Variants in MDGA2 observed in about 807,000 individuals in gnomAD.
The protein encoded by MDGA2 is MAM domain-containing glycosylphosphatidylinositol anchor protein 2.
In MDGA2, 40 loss-of-function variants were observed where a neutral mutation model predicts 117.8. The ratio of observed to expected loss-of-function variants is 0.34; its 90% confidence interval spans 0.26 to 0.44. The LOEUF is 0.44. Ranked by LOEUF, MDGA2 falls within the 20% of genes least tolerant of loss-of-function variation. The pLI is 1.00. For synonymous variants in MDGA2, 452 were observed against 439.0 expected (o/e 1.03, Z -0.37); for missense variants, 1,123 against 1,250.6 (o/e 0.90, Z 1.54).
chr14:47,428,934 A>T lies in MDGA2; in HGVS notation c.281-127384T>A, dbSNP rs78931569. On this transcript the variant is annotated intron_variant, in intron 1 of 16. Transcript: ENST00000399232. ...AAGCTTTGTTGAACAGAATCAAATCACAAACTGATAATGGGATCATCCACA... is the reference window on the plus strand; with the variant it reads ...AAGCTTTGTTGAACAGAATCAAATCTCAAACTGATAATGGGATCATCCACA... 6.8e-3 allele frequency among the ~76,000 whole-genome samples: 1,032 copies of T among 152,224 alleles called. 7 individuals are homozygous for T. Among genetic ancestry groups the T allele is most frequent in the Non-Finnish European group, 8.7e-3 (595 of 68,016 alleles).
intron 1 of MDGA2, among the ~76,000 whole-genome samples, chr14:47,457,666 C>T (rs1429885072): frequency 6.6e-6 from 1 of 151,982 alleles, no homozygotes; most frequent in African/African-American, 2.4e-5. Flanking sequence ...ATGTCATTTT[C>T]GTTTTCCTTT....
At position 46,932,344 on chromosome 14, in the gene MDGA2, TATA is replaced by T. The variant is rs372630822; in HGVS notation, c.2090-12187_2090-12185del. Among the ~76,000 whole-genome samples the T allele has an allele frequency of 2.8e-3, 423 of 152,230 alleles. 1 individual carries two copies. The highest frequency in any genetic ancestry group is 4.6e-3 in the Admixed American group (71 of 15,274). ...CTTCAATAATGTAAGTTCACATGAA[TATA>T]ATATTACATTATATAAACTAATTTC... On this transcript the variant is annotated intron_variant, in intron 9 of 16. Transcript: ENST00000399232.
chr14:46,946,371 A>G (rs1276347260), intron 9 of MDGA2, among the ~76,000 whole-genome samples: 1 of 152,014 alleles, frequency 6.6e-6, no homozygotes, highest in Non-Finnish European at 1.5e-5. Flanking sequence ...TTTACTCACA[A>G]AACAATCTAT....
chr14:47,058,920 T>A (rs1261893751), intron 7 of MDGA2: 9 of 970,582 alleles, frequency 9.3e-6, no homozygotes, highest in Non-Finnish European at 1.1e-5. Flanking sequence ...GTTGCCATAG[T>A]GAGTTTATTA....
Position 47,247,632 on chromosome 14 carries a change from TTTATTATTA to T in MDGA2, c.421-29446_421-29438del, listed in dbSNP as rs71448183. On this transcript the variant is annotated intron_variant, in intron 2 of 16. Transcript: ENST00000399232. ...TTCAGATGTTTAACATCAGTACATA[TTTATTATTA>T]TTATTATTATTATTATTATACTTTA... is the stretch of plus-strand genomic sequence containing the variant. Among the ~76,000 whole-genome samples the T allele has an allele frequency of 2.9e-4, 42 of 146,138 alleles. No individual in the cohort carries two copies. The East Asian group carries it at 4.2e-3, about 15-fold the overall frequency.
chr14:47,046,842 C>T (rs1889283600), intron 7 of MDGA2, among the ~76,000 whole-genome samples: 1 of 152,026 alleles, frequency 6.6e-6, no homozygotes, highest in South Asian at 2.1e-4. Flanking sequence ...TCCTTGCCTA[C>T]TTGCTCTTAG....
intron 3 of MDGA2, among the ~76,000 whole-genome samples, chr14:47,208,211 AAAGTACTTG>A (rs1246829551): frequency 2.0e-5 from 3 of 152,046 alleles, no homozygotes; most frequent in Admixed American, 1.3e-4. Context: ...ATGGATATTT[AAAGTACTTG>A]ACCTTACTCA....
chr14:47,324,850 GAGAA>G (rs911203574), intron 1 of MDGA2, among the ~76,000 whole-genome samples: 8 of 151,996 alleles, frequency 5.3e-5, no homozygotes, highest in South Asian at 2.1e-4. Flanking sequence ...GAGAGAGAGA[GAGAA>G]AGAGAGAGAG....
intron 3 of MDGA2, among the ~76,000 whole-genome samples, chr14:47,207,006 A>G (rs1885708283): frequency 6.6e-6 from 1 of 152,086 alleles, no homozygotes; most frequent in Non-Finnish European, 1.5e-5. Context: ...GCACATTTTA[A>G]AAGAGATAAC....
At chr14:47,008,860 C>A (rs1887800266) in intron 8 of MDGA2, among the ~76,000 whole-genome samples, 1 of 151,842 alleles carries the variant, frequency 6.6e-6, no homozygotes. Context: ...TAGGTAAGGT[C>A]CTTATTTAAA....
At chr14:47,207,495 G>T (rs1566680884) in intron 3 of MDGA2, among the ~76,000 whole-genome samples, 1 of 151,924 alleles carries the variant, frequency 6.6e-6, no homozygotes, top group Non-Finnish European at 1.5e-5. Flanking sequence ...GGTGTGAAGT[G>T]ATGAGAGACT....
At chr14:46,914,036 T>C (rs1883808513) in intron 10 of MDGA2, among the ~76,000 whole-genome samples, 5 of 152,150 alleles carry the variant, frequency 3.3e-5, no homozygotes. Context: ...AGTCACATCA[T>C]TGTGTATTTC....
chr14:47,596,754 T>C (rs1166606558), intron 1 of MDGA2, among the ~76,000 whole-genome samples: 1 of 152,254 alleles, frequency 6.6e-6, no homozygotes, highest in African/African-American at 2.4e-5. Context: ...TGGAGTGGTT[T>C]ATTTAATTTT....
chr14:47,094,151 A>G (rs867536189), intron 6 of MDGA2, among the ~76,000 whole-genome samples: 54 of 152,162 alleles, frequency 3.5e-4, no homozygotes, highest in African/African-American at 1.1e-3. Context: ...TTTAAAACCA[A>G]GGCTACTTCT....
chr14:46,892,523 A>G (rs1217984383), intron 10 of MDGA2, among the ~76,000 whole-genome samples: 1 of 151,974 alleles, frequency 6.6e-6, no homozygotes, highest in East Asian at 1.9e-4. Flanking sequence ...ATCAAACTAA[A>G]AAGCTTCAGT....
intron 9 of MDGA2, among the ~76,000 whole-genome samples, chr14:46,930,401 T>C (rs1362708840): frequency 1.3e-5 from 2 of 152,086 alleles, no homozygotes; most frequent in Non-Finnish European, 2.9e-5. Context: ...GCATTATTCT[T>C]TCATATACCA....
At chr14:47,641,955 G>A (rs949641330) in intron 1 of MDGA2, among the ~76,000 whole-genome samples, 8 of 152,060 alleles carry the variant, frequency 5.3e-5, no homozygotes, top group African/African-American at 1.9e-4. Flanking sequence ...AGTACAATCT[G>A]CAGATGAAAA....
chr14:46,938,755 C>T (rs1196328234), intron 9 of MDGA2, among the ~76,000 whole-genome samples: 1 of 151,994 alleles, frequency 6.6e-6, no homozygotes, highest in Non-Finnish European at 1.5e-5. Flanking sequence ...AACAATCCCT[C>T]TACTGATATT....
intron 11 of MDGA2, among the ~76,000 whole-genome samples, chr14:46,878,007 T>C (rs1882298651): frequency 6.6e-6 from 1 of 151,976 alleles, no homozygotes; most frequent in Non-Finnish European, 1.5e-5. Flanking sequence ...CATGTTGTAA[T>C]ATGTGTACTA....
Sources: allele counts gnomAD v4.1 joint callset (sites outside exome capture counted in the v4.1 genomes callset), GRCh38; gene constraint gnomAD v4.1.1; transcripts MANE v1.5; gene names NCBI Gene and HGNC (gene_info 2026-07-23, HGNC 2026-07-21).